The following CNTNAP2 variants were observed in gnomAD, a reference collection of about 807,000 sequenced individuals.
CNTNAP2 encodes contactin associated protein 2.
CNTNAP2 carries 98 observed loss-of-function variants against 155.2 expected under a neutral mutation model. The ratio of observed to expected loss-of-function variants is 0.63; its 90% CI spans 0.54 to 0.75. CNTNAP2 has a LOEUF of 0.75. Ranked by LOEUF, CNTNAP2 falls within the 30% of genes least tolerant of loss-of-function variation. The pLI is 0.00. For missense variants in CNTNAP2, 1,727 were observed against 1,688.1 expected (o/e 1.02, Z -0.40); for synonymous variants, 651 against 631.2 (o/e 1.03, Z -0.47).
chr7:146,823,307 A>C (rs900915008), intron 2 of CNTNAP2, among the ~76,000 whole-genome samples: 2 of 148,252 alleles, frequency 1.3e-5, no homozygotes, highest in South Asian at 2.2e-4. Context: ...CAGTATAATT[A>C]CATGTAAATA....
chr7:147,707,034 A>AT (rs888383281), intron 13 of CNTNAP2, among the ~76,000 whole-genome samples: 2 of 151,142 alleles, frequency 1.3e-5, no homozygotes, highest in Non-Finnish European at 3.0e-5. Flanking sequence ...CATATTCTGA[A>AT]TTTTTTTTCT....
chr7:147,902,150 T>C (rs920362544), intron 13 of CNTNAP2, among the ~76,000 whole-genome samples: 10 of 152,246 alleles, frequency 6.6e-5, no homozygotes, highest in African/African-American at 2.4e-4. Flanking sequence ...GCTTCCAGTT[T>C]ACTAAATAGA....
intron 1 of CNTNAP2, among the ~76,000 whole-genome samples, chr7:146,541,868 A>C (rs1797958249): frequency 6.6e-6 from 1 of 152,032 alleles, no homozygotes; most frequent in Non-Finnish European, 1.5e-5. Flanking sequence ...CTGTTCTTGA[A>C]TGATTTATTG....
intron 1 of CNTNAP2, among the ~76,000 whole-genome samples, chr7:146,363,378 AG>A (rs560870246): frequency 7.5e-4 from 114 of 152,300 alleles, no homozygotes; most frequent in African/African-American, 2.3e-3. Context: ...TAACTGTTAA[AG>A]GTTGTGCATA....
chr7:146,586,177 G>A (rs1280360218), intron 1 of CNTNAP2, among the ~76,000 whole-genome samples: 1 of 152,080 alleles, frequency 6.6e-6, no homozygotes, highest in African/African-American at 2.4e-5. Context: ...TACACATTAA[G>A]ATTTAGTTTG....
At position 146,863,308 on chromosome 7, in the gene CNTNAP2, CTAAT is replaced by C. The variant is rs554535771; in HGVS notation, c.402+23406_402+23409del. Among the ~76,000 whole-genome samples, 34 of 152,126 alleles carry C rather than the reference CTAAT, an allele frequency of 2.2e-4. No homozygotes were observed. In the South Asian group the frequency reaches 5.4e-3, roughly 24 times the overall value. On this transcript the variant is annotated intron_variant, in intron 3 of 23. Coordinates refer to ENST00000361727, the MANE Select transcript of CNTNAP2 (RefSeq NM_014141.6). ...AAAAGGAGCTTTATTATAGTATTAA[CTAAT>C]TGTTTGTTTATAAGCCTTATCTGCT...
At chr7:147,606,748 A>C (rs1416721177) in intron 12 of CNTNAP2, among the ~76,000 whole-genome samples, 1 of 152,182 alleles carries the variant, frequency 6.6e-6, no homozygotes, top group East Asian at 1.9e-4. Flanking sequence ...AGCATACGGA[A>C]ATGGACAGCT....
At chr7:146,265,452 TC>T (rs1460326265) in intron 1 of CNTNAP2, among the ~76,000 whole-genome samples, 1 of 135,630 alleles carries the variant, frequency 7.4e-6, no homozygotes, top group Non-Finnish European at 1.5e-5. Context: ...TTTTTTTCTT[TC>T]TTTCTTTTTT....
intron 8 of CNTNAP2, among the ~76,000 whole-genome samples, chr7:147,155,640 C>A (rs377669055): frequency 6.6e-6 from 1 of 152,094 alleles, no homozygotes; most frequent in South Asian, 2.1e-4. Context: ...CAATATTGTA[C>A]ACAATTAAGC....
chr7:148,016,146 A>T (rs1802173555), intron 15 of CNTNAP2, among the ~76,000 whole-genome samples: 1 of 152,346 alleles, frequency 6.6e-6, no homozygotes. Context: ...TTTTGAATGA[A>T]GACACCCAGC....
chr7:147,760,245 GAA>G lies in CNTNAP2; in HGVS notation c.2098+120950_2098+120951del, dbSNP rs111368759. Among the ~76,000 whole-genome samples, 166 of 130,966 alleles carry G rather than the reference GAA, an allele frequency of 1.3e-3. 1 individual carries two copies. The highest frequency in any genetic ancestry group is 4.7e-3 in the African/African-American group (159 of 34,144). 85.9% of individuals were successfully genotyped at this position (130,966 alleles called of 152,430 possible). A position where few individuals can be genotyped will look rare whatever the true frequency, so the allele number is the denominator to read the frequency against. ...CTATGGTAAAATTTGAGCTTCACGG[GAA>G]AAAAAAAAAAGAATTGAAGAACTTC... On this transcript the variant is annotated intron_variant, in intron 13 of 23. Transcript: ENST00000361727.
chr7:146,161,857 A>T (rs796237466), intron 1 of CNTNAP2, among the ~76,000 whole-genome samples: 1 of 152,146 alleles, frequency 6.6e-6, no homozygotes, highest in African/African-American at 2.4e-5. Flanking sequence ...AAATAATACC[A>T]CACATCTACA....
intron 1 of CNTNAP2, among the ~76,000 whole-genome samples, chr7:146,144,930 A>G (rs1453138830): frequency 2.0e-5 from 3 of 152,206 alleles, no homozygotes; most frequent in Non-Finnish European, 4.4e-5. Context: ...AGGAAATGTC[A>G]GGAAGAAAGT....
rs562720744 is a variant in CNTNAP2, at chr7:146,808,736, C to T, written c.209-30975C>T. Among the ~76,000 whole-genome samples, 3 of 152,296 alleles carry T rather than the reference C, an allele frequency of 2.0e-5. No homozygotes were observed. The South Asian group carries it at 6.2e-4, about 32-fold the overall frequency. On this transcript the variant is annotated intron_variant, in intron 2 of 23. Coordinates refer to ENST00000361727, the MANE Select transcript of CNTNAP2 (RefSeq NM_014141.6). ...TTCCTAGCCCCTTGAAACTATCATT[C>T]TACTTTCTGCATCTATGACTTTGAC...
At chr7:148,218,723 C>T (rs574175241) in intron 19 of CNTNAP2, among the ~76,000 whole-genome samples, 45 of 151,978 alleles carry the variant, frequency 3.0e-4, no homozygotes, top group African/African-American at 9.6e-4. Flanking sequence ...TATCCTGGGC[C>T]ATCTTGGTCG....
intron 1 of CNTNAP2, among the ~76,000 whole-genome samples, chr7:146,337,151 C>T (rs534052334): frequency 1.3e-5 from 2 of 152,066 alleles, no homozygotes; most frequent in South Asian, 4.2e-4. Flanking sequence ...GTCTTTGCAC[C>T]TTCTAGTGAA....
intron 13 of CNTNAP2, among the ~76,000 whole-genome samples, chr7:147,832,097 A>G (rs1286089756): frequency 3.4e-5 from 5 of 148,844 alleles, no homozygotes; most frequent in Non-Finnish European, 7.4e-5. Context: ...ACTGTTATAT[A>G]TAATTATATA....
chr7:148,049,563 C>T (rs1042698476), intron 15 of CNTNAP2, among the ~76,000 whole-genome samples: 2 of 152,086 alleles, frequency 1.3e-5, no homozygotes, highest in Non-Finnish European at 1.5e-5. Flanking sequence ...GTCGTTTAGT[C>T]GACAGTGGAC....
At chr7:147,492,383 A>G (rs1487692278) in intron 11 of CNTNAP2, among the ~76,000 whole-genome samples, 1 of 152,218 alleles carries the variant, frequency 6.6e-6, no homozygotes, top group South Asian at 2.1e-4. Context: ...AGTGTGGTCA[A>G]TTACTATACT....
Sources: allele counts gnomAD v4.1 joint callset (sites outside exome capture counted in the v4.1 genomes callset), GRCh38; gene constraint gnomAD v4.1.1; transcripts MANE v1.5; gene names NCBI Gene and HGNC (gene_info 2026-07-23, HGNC 2026-07-21).